The following MYH7B variants were observed in gnomAD, a reference collection of about 807,000 sequenced individuals.
The protein encoded by MYH7B is myosin-7B.
MYH7B carries 205 observed loss-of-function variants against 234.5 expected under a neutral mutation model. That is an observed-to-expected ratio of 0.87 (90% CI 0.78 to 0.98). The LOEUF (loss-of-function observed/expected upper bound fraction) is 0.98. Ranked by LOEUF, MYH7B falls within the 50% of genes least tolerant of loss-of-function variation. The pLI is 0.00. For missense variants in MYH7B, 2,652 were observed against 2,633.4 expected, an observed-to-expected ratio of 1.01 and a Z score of -0.15; for synonymous variants, 1,193 against 1,105.0, an observed-to-expected ratio of 1.08 and a Z score of -1.58.
chr20:34,984,958 A>G lies in MYH7B; in HGVS notation c.741+12A>G, dbSNP rs530429574. 16 of 1,612,318 alleles carry G rather than the reference A, an allele frequency of 9.9e-6. No homozygotes were observed. The African/African-American group carries it at 1.2e-4, about 12-fold the overall frequency. ...ACTCCTCCCGCTTTGTGAGTGGCTGAGGTGGGAGGGGTGGCGGGGATGCCG... is the reference window on the plus strand; with the variant it reads ...ACTCCTCCCGCTTTGTGAGTGGCTGGGGTGGGAGGGGTGGCGGGGATGCCG... On this transcript the variant is annotated intron_variant, in intron 12 of 44. Transcript: ENST00000262873.
At chr20:34,987,389 C>A in intron 16 of MYH7B, 102 bp downstream of exon 16, 1 of 1,498,816 alleles carries the variant, frequency 6.7e-7, no homozygotes, top group Non-Finnish European at 9.1e-7. Flanking sequence ...CTCAGTCTTA[C>A]CTGGCCCTGC....
intron 2 of MYH7B, among the ~76,000 whole-genome samples, chr20:34,972,118 A>G (rs561374044): frequency 1.3e-4 from 20 of 152,302 alleles, no homozygotes; most frequent in Admixed American, 5.2e-4. Flanking sequence ...AAGCCGTTCA[A>G]GTGGTCACTA....
Position 34,995,359 on chromosome 20 carries a change from CG to C in MYH7B, c.2725del (p.Glu909ArgfsTer7). 2 of 1,613,370 alleles carry C rather than the reference CG, an allele frequency of 1.2e-6. No individual in the cohort carries two copies. The highest frequency in any genetic ancestry group is 2.7e-5 in the African/African-American group (2 of 75,036). On this transcript the variant is annotated frameshift_variant, in exon 28 of 45. Transcript: ENST00000262873. LOFTEE classifies it high-confidence loss of function. ...AGGAGCAGGACAACCTGGCAGATGCCGAGGAGCGCTGCCACTTGCTGATCAA... is the reference window on the plus strand; with the variant it reads ...AGGAGCAGGACAACCTGGCAGATGCCAGGAGCGCTGCCACTTGCTGATCAA...
At chr20:34,998,362 A>G in exon 33 of MYH7B, 2 of 1,613,936 alleles carry the variant, frequency 1.2e-6, no homozygotes, top group African/African-American at 1.3e-5. Context: ...AAGGTGGAGG[A>G]GCTGCAGCGG....
chr20:34,999,215 C>G (rs1223082651), exon 36 of MYH7B: 1 of 1,611,630 alleles, frequency 6.2e-7, no homozygotes, highest in Non-Finnish European at 8.5e-7. Flanking sequence ...CTGCGCTGGA[C>G]AAGAAGCAGC....
intron 2 of MYH7B, among the ~76,000 whole-genome samples, chr20:34,972,565 G>A (rs1256583529): frequency 6.6e-6 from 1 of 151,964 alleles, no homozygotes; most frequent in Non-Finnish European, 1.5e-5. Context: ...GCTTCTCCAG[G>A]GGAGTGTCAG....
At chr20:34,986,001 GCA>G in intron 13 of MYH7B, 97 bp from the exon 14 acceptor site, 1 of 1,039,180 alleles carries the variant, frequency 9.6e-7, no homozygotes, top group Non-Finnish European at 1.5e-6. Context: ...CAGCCCCCCT[GCA>G]CACTCCCTGC....
At chr20:34,987,445 C>A in intron 16 of MYH7B, 112 bp from the exon 17 acceptor site, 3 of 1,408,250 alleles carry the variant, frequency 2.1e-6, no homozygotes, top group Non-Finnish European at 2.9e-6. Flanking sequence ...TGTTTGCTAG[C>A]CCTGAACTTG....
chr20:34,990,381 G>C lies in MYH7B; in HGVS notation c.1977+71G>C, dbSNP rs1241954580. The C allele has an allele frequency of 1.9e-6, 3 of 1,543,608 alleles. No individual in the cohort carries two copies. In the East Asian group the frequency reaches 6.7e-5, roughly 35 times the overall value. On this transcript the variant is annotated intron_variant, in intron 22 of 44. Transcript: ENST00000262873. ...AGCCCCGTCCTTCACCCCCTGCCCT[G>C]TCCCCTGTGCCTTGGGCGGGCGGCT...
Position 34,996,488 on chromosome 20 carries a change from A to AGGCCAAG in MYH7B, c.3087_3093dup (p.Leu1032GlyfsTer36), listed in dbSNP as rs777720986. 13 of 1,612,152 alleles carry AGGCCAAG rather than the reference A, an allele frequency of 8.1e-6. No homozygotes were observed. The East Asian group carries it at 2.9e-4, about 36-fold the overall frequency. On this transcript the variant is annotated frameshift_variant, in exon 29 of 45. Transcript: ENST00000262873. LOFTEE classifies it high-confidence loss of function. The stretch of plus-strand genomic sequence containing the variant: ...GAGGACCGTGTGAGCGCGCTGACCA[A>AGGCCAAG]GGCCAAGCTCCGGCTGGAGCAACAG...
At chr20:34,976,539 A>AG (rs1233354670) in intron 3 of MYH7B, among the ~76,000 whole-genome samples, 1 of 152,258 alleles carries the variant, frequency 6.6e-6, no homozygotes, top group Non-Finnish European at 1.5e-5. Flanking sequence ...TGTATCAGGC[A>AG]GATGGACTGC....
At chr20:34,987,408 C>G (rs1399543940) in intron 16 of MYH7B, 121 bp downstream of exon 16, 2 of 1,455,498 alleles carry the variant, frequency 1.4e-6, no homozygotes, top group Non-Finnish European at 1.9e-6. Flanking sequence ...GCCTCCTCAG[C>G]TCCAAACCCT....
intron 5 of MYH7B, among the ~76,000 whole-genome samples, chr20:34,978,848 G>A (rs1255694850): frequency 6.6e-6 from 1 of 152,132 alleles, no homozygotes; most frequent in Non-Finnish European, 1.5e-5. Flanking sequence ...GCAGAGCAGG[G>A]GACACAAACT....
At chr20:34,987,395 C>T in intron 16 of MYH7B, 108 bp downstream of exon 16, 1 of 1,494,694 alleles carries the variant, frequency 6.7e-7, no homozygotes, top group Non-Finnish European at 9.1e-7. Context: ...CTTACCTGGC[C>T]CTGCCTCCTC....
At position 34,986,178 on chromosome 20, in the gene MYH7B, G is replaced by C. The variant is rs2082018445; in HGVS notation, c.884G>C (p.Gly295Ala). The C allele has an allele frequency of 6.3e-6, 10 of 1,597,196 alleles. No homozygotes were observed. The highest frequency in any genetic ancestry group is 6.0e-6 in the Non-Finnish European group (7 of 1,170,856). ...CATGTCTACTACCAGATCCTCTCAG[G>C]GAGGAAGCCAGAGCTGCAGGGTGAG... Residue 295 changes from glycine to alanine, a missense_variant, in exon 14 of 45, where the codon GGG (glycine) becomes GCG (alanine). Around this residue, in one of 3 missense-constraint regions of MYH7B, gnomAD observed 7 missense variants for 20.9 expected, o/e 0.33. Coordinates refer to ENST00000262873, the Ensembl canonical transcript of MYH7B.
exon 30 of MYH7B, chr20:34,996,622 T>C: frequency 6.2e-7 from 1 of 1,611,108 alleles, no homozygotes; most frequent in Non-Finnish European, 8.5e-7. Context: ...GCTGGAATGC[T>C]CCCTGGAGCA....
At chr20:34,998,610 A>T (rs2082307920) in exon 34 of MYH7B, 1 of 1,613,280 alleles carries the variant, frequency 6.2e-7, no homozygotes, top group Non-Finnish European at 8.5e-7. Flanking sequence ...TTGCGGCGCC[A>T]GCTAGAGGAG....
chr20:35,000,581 G>A lies in MYH7B; in HGVS notation c.5070G>A (p.Ala1690=), dbSNP rs574084211. Reference sequence around the variant, plus strand: ...AGCGCCGGGCCTCGCTGCTGGCTGCGGAGCTGGAGGAGCTGCGGGCTGCCC... The same window carrying A: ...AGCGCCGGGCCTCGCTGCTGGCTGCAGAGCTGGAGGAGCTGCGGGCTGCCC... The change falls in exon 39 of 45, where the codon GCG becomes GCA. Residue 1690 remains alanine, a synonymous_variant. Transcript: ENST00000262873. 297 of 1,566,258 alleles carry A rather than the reference G, an allele frequency of 1.9e-4. 4 individuals carry two copies. The South Asian group carries it at 2.9e-3, about 15-fold the overall frequency.
chr20:34,966,331 C>T (rs1434106654), intron 2 of MYH7B, among the ~76,000 whole-genome samples: 1 of 152,198 alleles, frequency 6.6e-6, no homozygotes, highest in African/African-American at 2.4e-5. Flanking sequence ...AAATGAGCAA[C>T]ACCTTGGAAG....
Sources: gnomAD v4.1 joint callset for allele counts (sites outside exome capture counted in the v4.1 genomes callset) on GRCh38, gnomAD v4.1.1 for gene constraint, gnomAD v4.1.1 regional missense constraint, MANE v1.5 for transcripts, NCBI Gene and HGNC (gene_info 2026-07-23, HGNC 2026-07-21) for gene names.